NCOA6: variants seen among roughly 807,000 people sequenced by gnomAD.
NCOA6 encodes the protein NRC RAP250.
Under a neutral mutation model 171.4 loss-of-function variants are expected in NCOA6, and 49 were observed. The ratio of observed to expected loss-of-function variants is 0.29; its 90% CI spans 0.23 to 0.36. The LOEUF (loss-of-function observed/expected upper bound fraction) is 0.36, where lower values mean the gene tolerates loss of function less well. Among genes scored for constraint, NCOA6 ranks in the 10% least tolerant of loss-of-function variants. The pLI is 1.00. For synonymous variants in NCOA6, 910 were observed against 927.5 expected (o/e 0.98, Z 0.34); for missense variants, 2,248 against 2,554.5 (o/e 0.88, Z 2.59).
At chr20:34,738,720 C>G (rs554817345) in intron 11 of NCOA6, among the ~76,000 whole-genome samples, 1 of 152,356 alleles carries the variant, frequency 6.6e-6, no homozygotes, top group South Asian at 2.1e-4. Context: ...TCATTGAGTC[C>G]TCTCTCAGAA....
intron 7 of NCOA6, among the ~76,000 whole-genome samples, chr20:34,755,147 G>A (rs189590913): frequency 2.0e-4 from 31 of 152,304 alleles, no homozygotes; most frequent in South Asian, 6.2e-4. Context: ...AATGTGATCT[G>A]AGGCCACGCC....
intron 1 of NCOA6, among the ~76,000 whole-genome samples, chr20:34,806,239 G>C (rs1046906264): frequency 1.3e-5 from 2 of 152,176 alleles, no homozygotes; most frequent in South Asian, 4.1e-4. Flanking sequence ...TTCAGATCAA[G>C]TACCCAATTT....
chr20:34,820,085 A>T (rs980396647), intron 1 of NCOA6: 1 of 152,268 alleles, frequency 6.6e-6, no homozygotes, highest in African/African-American at 2.4e-5. Flanking sequence ...AAACAACAGT[A>T]GGTATTCCAG....
At chr20:34,805,519 TTATC>T (rs2078419143) in intron 1 of NCOA6, among the ~76,000 whole-genome samples, 1 of 152,196 alleles carries the variant, frequency 6.6e-6, no homozygotes, top group Admixed American at 6.5e-5. Flanking sequence ...CACATTTTCT[TTATC>T]TAGTCATGTA....
intron 10 of NCOA6, among the ~76,000 whole-genome samples, chr20:34,743,677 GA>G (rs2076220444): frequency 6.6e-6 from 1 of 152,148 alleles, no homozygotes; most frequent in South Asian, 2.1e-4. Context: ...GATGAAATGA[GA>G]AAAACTCCAT....
intron 8 of NCOA6, among the ~76,000 whole-genome samples, chr20:34,751,376 C>CAAAAAAAAAAAAAAAAAAAAAAAA (rs35848122): frequency 6.4e-4 from 44 of 68,228 alleles, no homozygotes; most frequent in Non-Finnish European, 8.3e-4. Flanking sequence ...GACTCCGTCT[C>CAAAAAAAAAAAAAAAAAAAAAAAA]AAAAAAAAAA....
In NCOA6 at chr20:34,742,674, G is replaced by A. The variant is rs764964870; in HGVS notation, c.3582C>T (p.Gly1194=). 2 of 1,614,080 alleles carry A rather than the reference G, an allele frequency of 1.2e-6. No homozygotes were observed. Among genetic ancestry groups the A allele is most frequent in the South Asian group, 1.1e-5 (1 of 91,092 alleles). The change falls in exon 11 of 15, where the codon GGC becomes GGT. Residue 1194 remains glycine, a synonymous_variant. Coordinates refer to ENST00000359003, the MANE Select transcript of NCOA6 (RefSeq NM_014071.5). ...GCGCAGCCACATTTGGGAAGTGGTG[G>A]CCGTGAGAGCTGGGCAGGGAATTTA... ...PPVNSLPSSH[G]HHFPNVAAPT...
chr20:34,765,351 C>T (rs1398808222), intron 5 of NCOA6, among the ~76,000 whole-genome samples: 1 of 148,422 alleles, frequency 6.7e-6, no homozygotes, highest in East Asian at 2.0e-4. Context: ...AGGAGAATGG[C>T]GTGAACCTGG....
chr20:34,792,076 T>G (rs1051330189), intron 2 of NCOA6, among the ~76,000 whole-genome samples: 1 of 152,188 alleles, frequency 6.6e-6, no homozygotes, highest in Non-Finnish European at 1.5e-5. Flanking sequence ...AGCATCAAAC[T>G]AGAGTTATGT....
rs1363600214 is a variant in NCOA6 at position 34,749,298 on chromosome 20, T to A, written c.2792+105A>T. The A allele has an allele frequency of 3.8e-6, 5 of 1,313,974 alleles. No individual in the cohort carries two copies. The East Asian group carries it at 9.3e-5, about 24-fold the overall frequency. 81.4% of individuals were successfully genotyped at this position (1,313,974 alleles called of 1,614,324 possible). On this transcript the variant is annotated intron_variant, in intron 9 of 14. Coordinates refer to ENST00000359003, the MANE Select transcript of NCOA6 (RefSeq NM_014071.5). Reference sequence around the variant, plus strand: ...TGATAATTATTGAAGCAGGGGGATTTCATTATACTATTCTAGTTTTATATT... The same window carrying A: ...TGATAATTATTGAAGCAGGGGGATTACATTATACTATTCTAGTTTTATATT...
At chr20:34,744,339 C>T (rs2076238954) in intron 10 of NCOA6, among the ~76,000 whole-genome samples, 1 of 152,206 alleles carries the variant, frequency 6.6e-6, no homozygotes, top group South Asian at 2.1e-4. Context: ...ACCTTACAAT[C>T]AGAAAAGATA....
chr20:34,795,230 C>T (rs2078025258), intron 1 of NCOA6, among the ~76,000 whole-genome samples: 1 of 152,164 alleles, frequency 6.6e-6, no homozygotes, highest in Admixed American at 6.5e-5. Context: ...CAGGTTACCA[C>T]AGTGCCAAAG....
At chr20:34,755,310 T>C (rs1054353689) in intron 7 of NCOA6, among the ~76,000 whole-genome samples, 2 of 152,214 alleles carry the variant, frequency 1.3e-5, no homozygotes, top group African/African-American at 4.8e-5. Context: ...TGGGTCCTGA[T>C]ATTAAGGATA....
chr20:34,825,271 C>G (rs1421327972), intron 1 of NCOA6, among the ~76,000 whole-genome samples: 1 of 151,498 alleles, frequency 6.6e-6, no homozygotes, highest in Non-Finnish European at 1.5e-5. Context: ...GGCCCGCTCC[C>G]CAACATGGCG....
intron 1 of NCOA6, among the ~76,000 whole-genome samples, chr20:34,816,535 G>A (rs1056340231): frequency 5.3e-5 from 8 of 152,116 alleles, no homozygotes; most frequent in African/African-American, 7.2e-5. Flanking sequence ...AAGTAGGTGC[G>A]ATTAGATGCA....
chr20:34,714,955 C>A lies in NCOA6; in HGVS notation c.*367G>T. 5.8e-6 allele frequency: 1 copy of A among 171,442 alleles called. No individual in the cohort carries two copies. Among genetic ancestry groups the A allele is most frequent in the Non-Finnish European group, 1.2e-5 (1 of 80,002 alleles). The allele number at this position is 171,442 out of a possible 1,614,324, so 10.6% of individuals were successfully genotyped here. A position where few individuals can be genotyped will look rare whatever the true frequency, so the allele number is the denominator to read the frequency against. ...TCCAAATGAGAAGATTGCTTTTGCC[C>A]CCACTACTGCTATTCACACACAGTA... On this transcript the variant is annotated 3_prime_UTR_variant, in exon 15 of 15. Transcript: ENST00000359003.
chr20:34,763,660 T>C (rs980152266), intron 5 of NCOA6, among the ~76,000 whole-genome samples: 3 of 152,216 alleles, frequency 2.0e-5, no homozygotes, highest in Admixed American at 1.3e-4. Context: ...ACCTACCTAA[T>C]GTTAATGACT....
At chr20:34,815,724 G>C (rs2146692295) in intron 1 of NCOA6, among the ~76,000 whole-genome samples, 1 of 152,126 alleles carries the variant, frequency 6.6e-6, no homozygotes, top group South Asian at 2.1e-4. Flanking sequence ...CAAGAAGAGA[G>C]GGCTAACAAA....
chr20:34,749,464 C>T lies in NCOA6; in HGVS notation c.2731G>A (p.Ala911Thr), dbSNP rs1284202690. ...GGTTTCTTCTTCTTCGGTTTATTTG[C>T]GTTGGTATTATTTTGCTTATTGTTT... ...GVNNKQNNTNANKPKKKKPPR... is the reference protein window; with the variant it reads ...GVNNKQNNTNTNKPKKKKPPR... The change falls in exon 9 of 15, where the codon GCA becomes ACA. Residue 911 changes from alanine to threonine, a missense_variant. Physicochemically the swap from Ala to Thr is moderately conservative, Grantham distance 58. Around this residue, in one of 7 missense-constraint regions of NCOA6, gnomAD observed 352 missense variants for 419.1 expected, o/e 0.84. Transcript: ENST00000359003. 10 of 1,613,766 alleles carry T rather than the reference C, an allele frequency of 6.2e-6. No homozygotes were observed. The highest frequency in any genetic ancestry group is 1.3e-5 in the African/African-American group (1 of 74,884).
Sources: gnomAD v4.1 joint callset for allele counts (sites outside exome capture counted in the v4.1 genomes callset) on GRCh38, gnomAD v4.1.1 for gene constraint, gnomAD v4.1.1 regional missense constraint, MANE v1.5 for transcripts, NCBI Gene and HGNC (gene_info 2026-07-23, HGNC 2026-07-21) for gene names.